The following CYP4A11 variants were observed in gnomAD, a reference collection of about 807,000 sequenced individuals.
CYP4A11 encodes the protein cytochrome P450 family 4 subfamily A member 11, also known as cytochrome P450 4A11.
Under a neutral mutation model 57.7 loss-of-function variants are expected in CYP4A11, and 52 were observed. That is an observed-to-expected ratio of 0.90 (90% CI 0.72 to 1.14). CYP4A11 has a LOEUF of 1.14. CYP4A11 is among the 50% of genes most tolerant of loss of function. The pLI is 0.00. For missense variants in CYP4A11, 641 were observed against 642.1 expected, an observed-to-expected ratio of 1.00 and a Z score of 0.02; for synonymous variants, 228 against 247.1, an observed-to-expected ratio of 0.92 and a Z score of 0.72.
chr1:46,937,937 C>T, intron 2 of CYP4A11, 59 bp downstream of exon 2: 1 of 1,602,738 alleles, frequency 6.2e-7, no homozygotes, highest in Non-Finnish European at 8.5e-7. Context: ...TTTTACAGAC[C>T]CAGGAGCATG....
intron 1 of CYP4A11, chr1:46,940,568 C>T (rs1379014564): frequency 1.5e-6 from 1 of 657,256 alleles, no homozygotes; most frequent in Non-Finnish European, 1.9e-6. Context: ...ACACCAGTCT[C>T]CTCACCTGGA....
chr1:46,931,287 G>T (rs1466387405), intron 11 of CYP4A11, among the ~76,000 whole-genome samples: 1 of 152,200 alleles, frequency 6.6e-6, no homozygotes, highest in Admixed American at 6.5e-5. Context: ...CCCCCAGGTA[G>T]CATTCACGAT....
In CYP4A11 at chr1:46,938,140, G is replaced by C. The variant is rs201366365; in HGVS notation, c.196-3C>G. On this transcript the variant is annotated splice_polypyrimidine_tract_variant and splice_region_variant and intron_variant, in intron 1 of 11. Coordinates refer to ENST00000310638, the MANE Select transcript of CYP4A11 (RefSeq NM_000778.4). ...TGTAGCTCCTGGTCCTGTTGGAGCT[G>C]TCAACAAGGGTAGACAGATGAACAC... 4 of 1,614,196 alleles carry C rather than the reference G, an allele frequency of 2.5e-6. No homozygotes were observed. The highest frequency in any genetic ancestry group is 3.4e-6 in the Non-Finnish European group (4 of 1,180,012).
intron 4 of CYP4A11, 38 bp from the exon 5 acceptor site, chr1:46,935,685 A>AG (rs1441188735): frequency 6.3e-7 from 1 of 1,591,354 alleles, no homozygotes; most frequent in Non-Finnish European, 8.6e-7. Flanking sequence ...TTAATCTCCA[A>AG]GAAGTGCTTT....
Position 46,929,972 on chromosome 1 carries a change from G to C in CYP4A11, c.*143C>G. The C allele has an allele frequency of 2.7e-6, 3 of 1,119,178 alleles. No homozygotes were observed. The highest frequency in any genetic ancestry group is 3.8e-6 in the Non-Finnish European group (3 of 797,276). 69.3% of individuals were successfully genotyped at this position (1,119,178 alleles called of 1,614,324 possible). On this transcript the variant is annotated 3_prime_UTR_variant, in exon 12 of 12. Transcript: ENST00000310638. ...CAAGCAGGTAGGGAGCCTGGAGAAA[G>C]GTGAGAGAGAGAAGGGCAGGCAGAC...
At chr1:46,937,381 GA>G in intron 2 of CYP4A11, 35 bp from the exon 3 acceptor site, 1 of 1,607,752 alleles carries the variant, frequency 6.2e-7, no homozygotes, top group Non-Finnish European at 8.5e-7. Context: ...AGGAAACTAG[GA>G]GTTACTAAGA....
rs995092999 is a variant in CYP4A11 at position 46,940,683 on chromosome 1, T to C, written c.195+556A>G. On this transcript the variant is annotated intron_variant, in intron 1 of 11. Coordinates refer to ENST00000310638, the MANE Select transcript of CYP4A11 (RefSeq NM_000778.4). ...TCCGTGAGTCTTGGGGAAACTTACT[T>C]AGCCAGTTGGTCCCCTATACCAGCA... 1.0e-5 allele frequency: 10 copies of C among 985,304 alleles called. No homozygotes were observed. The Admixed American group carries it at 3.7e-4, about 36-fold the overall frequency. The allele number at this position is 985,304 out of a possible 1,614,324, so 61.0% of individuals were successfully genotyped here.
At chr1:46,932,163 C>G (rs1681066629) in intron 11 of CYP4A11, 1 of 986,926 alleles carries the variant, frequency 1.0e-6, no homozygotes, top group South Asian at 4.6e-5. Flanking sequence ...TTTCATTGGG[C>G]AAGACAGAAG....
At chr1:46,933,501 G>A (rs1681165189) in intron 9 of CYP4A11, among the ~76,000 whole-genome samples, 1 of 152,216 alleles carries the variant, frequency 6.6e-6, no homozygotes, top group South Asian at 2.1e-4. Flanking sequence ...AACCCAGGGA[G>A]TTGCACCTTG....
chr1:46,938,341 G>A (rs1366181800), intron 1 of CYP4A11, among the ~76,000 whole-genome samples: 2 of 152,168 alleles, frequency 1.3e-5, no homozygotes, highest in Non-Finnish European at 2.9e-5. Flanking sequence ...GCTCAATGCT[G>A]CCAGCAGAAA....
rs746962019 is a variant in CYP4A11 at position 46,934,465 on chromosome 1, G to A, written c.885C>T (p.Leu295=). The A allele has an allele frequency of 5.6e-6, 9 of 1,613,790 alleles. No homozygotes were observed. The South Asian group carries it at 6.6e-5, about 12-fold the overall frequency. Residue 295 remains leucine (L), a synonymous_variant, in exon 7 of 12, where the codon CTC becomes CTT. Coordinates refer to ENST00000310638, the MANE Select transcript of CYP4A11 (RefSeq NM_000778.4). ...TACACATACTCACTTTGGCCAAGAG[G>A]AGGATATCCAGAAAATCCAAATGCC... ...RKRHLDFLDI[L]LLAKMENGSI... is the part of the protein sequence containing the mutation.
At chr1:46,936,230 G>T (rs1040789240) in intron 4 of CYP4A11, among the ~76,000 whole-genome samples, 1 of 152,214 alleles carries the variant, frequency 6.6e-6, no homozygotes, top group Non-Finnish European at 1.5e-5. Flanking sequence ...TCCTTCCCAG[G>T]GTGGCTTAAA....
intron 11 of CYP4A11, among the ~76,000 whole-genome samples, chr1:46,931,177 C>G (rs146966088): frequency 1.4e-4 from 21 of 152,300 alleles, no homozygotes; most frequent in Middle Eastern, 3.4e-3. Flanking sequence ...GGAGATGGCT[C>G]AGAATGTCCT....
At chr1:46,935,175 G>A (rs771314297) in intron 5 of CYP4A11, 21 bp from the exon 6 acceptor site, 1 of 1,609,888 alleles carries the variant, frequency 6.2e-7, no homozygotes, top group South Asian at 1.1e-5. Context: ...GTATGAAGAA[G>A]GGACTGCAGT....
intron 2 of CYP4A11, 38 bp from the exon 3 acceptor site, chr1:46,937,384 T>A: frequency 6.2e-7 from 1 of 1,606,000 alleles, no homozygotes; most frequent in South Asian, 1.1e-5. Flanking sequence ...AAACTAGGAG[T>A]TACTAAGAAG....
rs1354235162 is a variant in CYP4A11, at chr1:46,934,365, A to G, written c.899T>C (p.Met300Thr). 6.3e-7 allele frequency: 1 copy of G among 1,576,054 alleles called. No homozygotes were observed. The change falls in exon 8 of 12, where the codon ATG becomes ACG. Residue 300 changes from methionine to threonine, a missense_variant and splice_region_variant. Physicochemically the swap from Met to Thr is moderately conservative, Grantham distance 81. Coordinates refer to ENST00000310638, the MANE Select transcript of CYP4A11 (RefSeq NM_000778.4). Reference sequence around the variant, plus strand: ...GTCTGACAAGATGCTCCCATTCTCCATCTGGGAAGACCGTGGTGAAAATGC... The same window carrying G: ...GTCTGACAAGATGCTCCCATTCTCCGTCTGGGAAGACCGTGGTGAAAATGC... The part of the protein sequence containing the change: ...DFLDILLLAK[M>T]ENGSILSDKD...
rs528071152 is a variant in CYP4A11 at position 46,932,493 on chromosome 1, T to C, written c.1364+268A>G. ...TTAAAGTGAGGAAAATACATGAATA[T>C]ACTGAAGTTTGGAACATGCACTGAC... On this transcript the variant is annotated intron_variant, in intron 11 of 11. Transcript: ENST00000310638. 9.2e-4 allele frequency: 1,244 copies of C among 1,346,092 alleles called. 7 individuals are homozygous for C. The African/African-American group carries it at 0.017, about 18-fold the overall frequency. The allele number at this position is 1,346,092 out of a possible 1,614,324, so 83.4% of individuals were successfully genotyped here.
intron 11 of CYP4A11, among the ~76,000 whole-genome samples, chr1:46,931,041 C>T (rs998933107): frequency 6.6e-6 from 1 of 152,218 alleles, no homozygotes; most frequent in Non-Finnish European, 1.5e-5. Context: ...CCAGCTCAGA[C>T]CCTCCCACGC....
intron 11 of CYP4A11, among the ~76,000 whole-genome samples, chr1:46,930,719 ACT>A (rs1223970308): frequency 6.6e-6 from 1 of 151,960 alleles, no homozygotes; most frequent in Non-Finnish European, 1.5e-5. Context: ...GGTGGGCCAC[ACT>A]CTCAGGTGCT....
Sources: allele counts gnomAD v4.1 joint callset (sites outside exome capture counted in the v4.1 genomes callset), GRCh38; gene constraint gnomAD v4.1.1; transcripts MANE v1.5; gene names NCBI Gene and HGNC (gene_info 2026-07-23, HGNC 2026-07-21).